Variants in EXOC6B observed in about 807,000 individuals in gnomAD.
The protein encoded by EXOC6B is exocyst complex component 6B, also known as SEC15 homolog B.
Under a neutral mutation model 113.5 loss-of-function variants are expected in EXOC6B, and 54 were observed. That is an observed-to-expected ratio of 0.48 (90% CI 0.38 to 0.60). EXOC6B has a LOEUF of 0.60. EXOC6B is among the 20% of genes least tolerant of loss of function. The pLI is 0.00. For synonymous variants in EXOC6B, 357 were observed against 339.0 expected (o/e 1.05, Z -0.58); for missense variants, 797 against 977.5 (o/e 0.82, Z 2.46).
chr2:72,619,481 A>G (rs959720090), intron 6 of EXOC6B, among the ~76,000 whole-genome samples: 1 of 152,182 alleles, frequency 6.6e-6, no homozygotes, highest in Non-Finnish European at 1.5e-5. Context: ...AATACAGTAG[A>G]AAATTAAGTG....
At chr2:72,776,032 T>C (rs1683681552) in intron 1 of EXOC6B, among the ~76,000 whole-genome samples, 1 of 152,182 alleles carries the variant, frequency 6.6e-6, no homozygotes, top group African/African-American at 2.4e-5. Context: ...GGAGTCTCTC[T>C]CTAATTTCTT....
chr2:72,434,068 G>T (rs1695710800), intron 18 of EXOC6B, among the ~76,000 whole-genome samples: 1 of 152,098 alleles, frequency 6.6e-6, no homozygotes, highest in African/African-American at 2.4e-5. Context: ...ATTATTTTGA[G>T]ATATGTTCCA....
chr2:72,252,395 G>A (rs1173577127), intron 20 of EXOC6B, among the ~76,000 whole-genome samples: 1 of 151,978 alleles, frequency 6.6e-6, no homozygotes, highest in East Asian at 1.9e-4. Flanking sequence ...TCTACACTGA[G>A]AACAATGTTG....
intron 18 of EXOC6B, among the ~76,000 whole-genome samples, chr2:72,441,046 T>C (rs955071695): frequency 6.6e-6 from 1 of 152,230 alleles, no homozygotes. Context: ...TGTACTTCAG[T>C]GTGTTTTGTA....
chr2:72,354,585 T>C (rs147143221), intron 19 of EXOC6B, among the ~76,000 whole-genome samples: 2 of 152,308 alleles, frequency 1.3e-5, no homozygotes, highest in Non-Finnish European at 1.5e-5. Context: ...AGAGAAACAA[T>C]GACTGCCTTA....
At chr2:72,414,318 T>C (rs1230737941) in intron 18 of EXOC6B, among the ~76,000 whole-genome samples, 2 of 152,154 alleles carry the variant, frequency 1.3e-5, no homozygotes, top group Non-Finnish European at 2.9e-5. Context: ...AAACAATGAA[T>C]CAACTACACA....
At chr2:72,623,180 T>TA (rs142105367) in intron 6 of EXOC6B, among the ~76,000 whole-genome samples, 3 of 152,048 alleles carry the variant, frequency 2.0e-5, no homozygotes, top group African/African-American at 7.2e-5. Flanking sequence ...AAAAATCCAT[T>TA]AAAAAAATTA....
At chr2:72,363,014 T>C (rs549657455) in intron 19 of EXOC6B, among the ~76,000 whole-genome samples, 24 of 152,230 alleles carry the variant, frequency 1.6e-4, no homozygotes, top group African/African-American at 4.3e-4. Context: ...AGGGATACAA[T>C]AGCCTAAGTT....
intron 1 of EXOC6B, among the ~76,000 whole-genome samples, chr2:72,795,118 G>A (rs1684872455): frequency 6.6e-6 from 1 of 152,110 alleles, no homozygotes; most frequent in Non-Finnish European, 1.5e-5. Flanking sequence ...GAGAATCACT[G>A]GGCTAGAAAT....
At chr2:72,447,327 T>C (rs903892818) in intron 18 of EXOC6B, among the ~76,000 whole-genome samples, 1 of 152,326 alleles carries the variant, frequency 6.6e-6, no homozygotes, top group East Asian at 1.9e-4. Flanking sequence ...TCACATATGA[T>C]AGACACCTAA....
chr2:72,397,254 G>T (rs1273448021), intron 18 of EXOC6B, among the ~76,000 whole-genome samples: 1 of 152,054 alleles, frequency 6.6e-6, no homozygotes, highest in South Asian at 2.1e-4. Flanking sequence ...TGGTCAAAAG[G>T]ATAACAAAGA....
chr2:72,288,641 T>C (rs963408222), intron 20 of EXOC6B: 2 of 152,036 alleles, frequency 1.3e-5, no homozygotes, highest in African/African-American at 4.8e-5. Context: ...TACTATATAA[T>C]CCCACTCATA....
intron 6 of EXOC6B, among the ~76,000 whole-genome samples, chr2:72,611,524 A>G (rs1037244016): frequency 1.2e-4 from 19 of 152,188 alleles, no homozygotes; most frequent in African/African-American, 4.3e-4. Context: ...GGTGAAATAC[A>G]AATGAATCTA....
At chr2:72,283,850 A>C (rs1397173872) in intron 20 of EXOC6B, among the ~76,000 whole-genome samples, 1 of 152,150 alleles carries the variant, frequency 6.6e-6, no homozygotes, top group African/African-American at 2.4e-5. Context: ...AATATTGTGA[A>C]CAACTTTTTG....
chr2:72,408,918 A>G (rs1036145004), intron 18 of EXOC6B, among the ~76,000 whole-genome samples: 3 of 152,202 alleles, frequency 2.0e-5, no homozygotes, highest in African/African-American at 7.2e-5. Flanking sequence ...CTAACATCAG[A>G]GTGAACAGGC....
Position 72,730,999 on chromosome 2 carries a change from A to C in EXOC6B, c.464+8T>G, listed in dbSNP as rs1680602094. 1 of 1,523,898 alleles carries C rather than the reference A, an allele frequency of 6.6e-7. No individual in the cohort carries two copies. The highest frequency in any genetic ancestry group is 8.8e-7 in the Non-Finnish European group (1 of 1,138,504). 94.4% of individuals were successfully genotyped at this position (1,523,898 alleles called of 1,614,324 possible). ...AGTAAAAACTGTTCGATTAAAAAAAAATCTTACCTTTTAGTTTTCATCTGG... is the reference window on the plus strand; with the variant it reads ...AGTAAAAACTGTTCGATTAAAAAAACATCTTACCTTTTAGTTTTCATCTGG... On this transcript the variant is annotated splice_region_variant and intron_variant, in intron 5 of 21. Transcript: ENST00000272427.
chr2:72,425,635 A>G (rs1474799659), intron 18 of EXOC6B, among the ~76,000 whole-genome samples: 1 of 152,120 alleles, frequency 6.6e-6, no homozygotes, highest in Non-Finnish European at 1.5e-5. Context: ...TCATCAAATT[A>G]TTATTTACCT....
At chr2:72,506,901 A>G (rs886819126) in intron 11 of EXOC6B, among the ~76,000 whole-genome samples, 1 of 152,120 alleles carries the variant, frequency 6.6e-6, no homozygotes, top group African/African-American at 2.4e-5. Context: ...ATTAACAATC[A>G]TATTAGCAGA....
chr2:72,571,192 A>C (rs549667651), intron 7 of EXOC6B, among the ~76,000 whole-genome samples: 226 of 152,314 alleles, frequency 1.5e-3, no homozygotes, highest in African/African-American at 5.3e-3. Flanking sequence ...GAAGAACATT[A>C]ACACCTGCAT....
Sources: allele counts gnomAD v4.1 joint callset (sites outside exome capture counted in the v4.1 genomes callset), GRCh38; gene constraint gnomAD v4.1.1; transcripts MANE v1.5; gene names NCBI Gene and HGNC (gene_info 2026-07-23, HGNC 2026-07-21).